The following PRKCB variants were observed in gnomAD, a reference collection of about 807,000 sequenced individuals.
The protein encoded by PRKCB is protein kinase C beta type.
PRKCB carries 13 observed loss-of-function variants against 81.5 expected under a neutral mutation model. The observed-to-expected ratio is 0.16, with a 90% CI of 0.10 to 0.25. PRKCB has a LOEUF of 0.25. PRKCB is among the 10% of genes least tolerant of loss of function. The pLI is 1.00. For synonymous variants in PRKCB, 335 were observed against 321.4 expected (o/e 1.04, Z -0.45); for missense variants, 509 against 875.7 (o/e 0.58, Z 5.29).
intron 10 of PRKCB, among the ~76,000 whole-genome samples, chr16:24,161,444 T>C (rs1967256291): frequency 6.6e-6 from 1 of 151,772 alleles, no homozygotes; most frequent in Non-Finnish European, 1.5e-5. Flanking sequence ...TAGGGAGGGG[T>C]CTGTGGATAA....
At chr16:23,882,013 TCTTTCTTTCTTCCTTCCTTC>T (rs1452981903) in intron 2 of PRKCB, among the ~76,000 whole-genome samples, 4 of 22,590 alleles carry the variant, frequency 1.8e-4, no homozygotes, top group African/African-American at 3.6e-4. Flanking sequence ...TTTCTTTCTT[TCTTTCTTTCTTCCTTCCTTC>T]CTTCCTTCCT....
At chr16:23,896,525 G>T (rs1010124231) in intron 2 of PRKCB, among the ~76,000 whole-genome samples, 1 of 152,100 alleles carries the variant, frequency 6.6e-6, no homozygotes, top group African/African-American at 2.4e-5. Context: ...AACCAATAAG[G>T]GTCTCAAGGA....
chr16:24,146,970 G>A (rs1167224691), intron 9 of PRKCB, among the ~76,000 whole-genome samples: 1 of 152,100 alleles, frequency 6.6e-6, no homozygotes, highest in Non-Finnish European at 1.5e-5. Flanking sequence ...TCACCAGCCA[G>A]GGCAATGGCT....
At chr16:24,154,098 G>A (rs409556) in intron 9 of PRKCB, among the ~76,000 whole-genome samples, 55,306 of 152,080 alleles carry the variant, frequency 0.36, 10,430 homozygotes, top group South Asian at 0.47. Context: ...CCTTCTAGCT[G>A]GGCATTGACA....
intron 16 of PRKCB, among the ~76,000 whole-genome samples, chr16:24,210,409 C>A (rs1245583603): frequency 6.6e-6 from 1 of 152,096 alleles, no homozygotes; most frequent in Non-Finnish European, 1.5e-5. Flanking sequence ...CCAAAGGGCA[C>A]CCTCTCTCAC....
At chr16:24,134,697 C>T (rs373300277) in intron 9 of PRKCB, among the ~76,000 whole-genome samples, 1 of 151,194 alleles carries the variant, frequency 6.6e-6, no homozygotes, top group Non-Finnish European at 1.5e-5. Context: ...TGCAGTGAGT[C>T]GAGATCATGT....
chr16:24,047,410 A>G (rs560706671), intron 5 of PRKCB, among the ~76,000 whole-genome samples: 26 of 152,274 alleles, frequency 1.7e-4, no homozygotes, highest in African/African-American at 5.3e-4. Context: ...ATGCACCTGT[A>G]GTCCCAGCTA....
chr16:24,079,073 C>T (rs1207389840), intron 5 of PRKCB, among the ~76,000 whole-genome samples: 1 of 152,198 alleles, frequency 6.6e-6, no homozygotes, highest in Non-Finnish European at 1.5e-5. Context: ...GTGAAAATAG[C>T]CTTAACTAAT....
chr16:24,012,418 C>G (rs959764853), intron 3 of PRKCB, among the ~76,000 whole-genome samples: 2 of 152,202 alleles, frequency 1.3e-5, no homozygotes. Context: ...CTCTTAGCCA[C>G]CATGTCCCAT....
intron 10 of PRKCB, among the ~76,000 whole-genome samples, chr16:24,156,963 A>G (rs564808393): frequency 6.6e-6 from 1 of 152,308 alleles, no homozygotes; most frequent in South Asian, 2.1e-4. Context: ...TTTTAGTTGG[A>G]TATGTTGAGA....
intron 2 of PRKCB, among the ~76,000 whole-genome samples, chr16:23,923,828 G>A (rs1000113750): frequency 4.6e-5 from 7 of 152,082 alleles, no homozygotes; most frequent in African/African-American, 1.7e-4. Flanking sequence ...TGTAAGGGAA[G>A]GGATTGCTCA....
At chr16:24,180,711 T>C in intron 12 of PRKCB, 79 bp from the exon 13 acceptor site, 3 of 1,528,036 alleles carry the variant, frequency 2.0e-6, no homozygotes, top group South Asian at 2.5e-5. Context: ...CACAGTGTTT[T>C]ATGCATAATG....
chr16:24,207,493 T>C (rs990983007), intron 16 of PRKCB, among the ~76,000 whole-genome samples: 1 of 152,236 alleles, frequency 6.6e-6, no homozygotes, highest in African/African-American at 2.4e-5. Context: ...TATACATTTG[T>C]GTATATAATT....
intron 9 of PRKCB, among the ~76,000 whole-genome samples, chr16:24,126,583 T>C (rs1966844626): frequency 6.6e-6 from 1 of 152,178 alleles, no homozygotes; most frequent in Non-Finnish European, 1.5e-5. Context: ...TTTTGTTTTT[T>C]TGAATCAGAA....
intron 2 of PRKCB, among the ~76,000 whole-genome samples, chr16:23,978,266 C>A (rs1964650624): frequency 6.6e-6 from 1 of 152,212 alleles, no homozygotes; most frequent in South Asian, 2.1e-4. Flanking sequence ...GGGCATATGC[C>A]CCTCAGTTCA....
chr16:23,976,006 G>A (rs1964620330), intron 2 of PRKCB, among the ~76,000 whole-genome samples: 3 of 152,124 alleles, frequency 2.0e-5, no homozygotes, highest in African/African-American at 7.2e-5. Context: ...CTCTGTGTTG[G>A]CTTCATTCTC....
rs150987036 is a variant in PRKCB, at chr16:23,850,436, G to A, written c.205+13030G>A. ...GCTGGAGTACAATGGTGCGATCTCA[G>A]CTCACTGCAACCTCCACCTCTCAGG... On this transcript the variant is annotated intron_variant, in intron 2 of 16. Transcript: ENST00000643927. Among the ~76,000 whole-genome samples, 302 of 152,204 alleles carry A rather than the reference G, an allele frequency of 2.0e-3. 1 individual carries two copies. The highest frequency in any genetic ancestry group is 0.014 in the Middle Eastern group (4 of 294).
chr16:23,863,186 ACATACATACGTATATATGTG>A, intron 2 of PRKCB, among the ~76,000 whole-genome samples: 1 of 66,766 alleles, frequency 1.5e-5, no homozygotes, highest in Non-Finnish European at 2.9e-5. Flanking sequence ...ATATGTGTAT[ACATACATACGTATATATGTG>A]TATATATACA....
intron 5 of PRKCB, among the ~76,000 whole-genome samples, chr16:24,041,528 T>C (rs1247614820): frequency 2.0e-5 from 3 of 149,366 alleles, no homozygotes; most frequent in Non-Finnish European, 3.0e-5. Context: ...GAAAGAACCT[T>C]TTTTTTTTTA....
Sources: gnomAD v4.1 joint callset for allele counts (sites outside exome capture counted in the v4.1 genomes callset) on GRCh38, gnomAD v4.1.1 for gene constraint, MANE v1.5 for transcripts, NCBI Gene and HGNC (gene_info 2026-07-23, HGNC 2026-07-21) for gene names.